Variants in NAA60 observed in about 807,000 individuals in gnomAD.
The protein encoded by NAA60 is N-alpha-acetyltransferase 60, NatF catalytic subunit, also known as N-alpha-acetyltransferase 60.
A neutral mutation model predicts 26.1 loss-of-function variants in NAA60; 8 were observed. That is an observed-to-expected ratio of 0.31 (90% CI 0.18 to 0.55). The LOEUF (loss-of-function observed/expected upper bound fraction) is 0.55, where lower values mean the gene tolerates loss of function less well. Among genes scored for constraint, NAA60 ranks in the 20% least tolerant of loss-of-function variants. The probability of loss-of-function intolerance (pLI) is 0.93; values close to 1 mark genes in which losing one functional copy is unlikely to be tolerated. For missense variants in NAA60, 290 were observed against 311.3 expected (o/e 0.93, Z 0.51); for synonymous variants, 131 against 122.5 (o/e 1.07, Z -0.46).
intron 6 of NAA60, chr16:3,483,847 C>T: frequency 1.9e-6 from 1 of 514,704 alleles, no homozygotes; most frequent in Non-Finnish European, 3.4e-6. Context: ...CCTGCCGCAG[C>T]CTCCCAAATT....
chr16:3,444,039 C>G, intron 1 of NAA60: 2 of 1,054,626 alleles, frequency 1.9e-6, no homozygotes, highest in Admixed American at 3.8e-5. Flanking sequence ...TTGCTGGACT[C>G]TGACTCAAAG....
intron 4 of NAA60, among the ~76,000 whole-genome samples, chr16:3,480,384 G>C (rs1047073215): frequency 3.3e-5 from 5 of 152,064 alleles, no homozygotes; most frequent in Non-Finnish European, 7.4e-5. Context: ...ATCATCTGAG[G>C]TCAGGAGTTC....
intron 2 of NAA60, among the ~76,000 whole-genome samples, chr16:3,453,442 G>A (rs1009805702): frequency 2.0e-5 from 3 of 151,740 alleles, no homozygotes; most frequent in South Asian, 2.1e-4. Flanking sequence ...ACAGAGTTTC[G>A]CTCTCGTCCA....
Position 3,476,252 on chromosome 16 carries a change from G to A in NAA60, c.25G>A (p.Ala9Thr), listed in dbSNP as rs575192444. 6.8e-6 allele frequency: 11 copies of A among 1,612,216 alleles called. No individual in the cohort carries two copies. Among genetic ancestry groups the A allele is most frequent in the African/African-American group, 4.0e-5 (3 of 74,918 alleles). ...AATGACAGAGGTGGTGCCATCCAGC[G>A]CGCTCAGCGAGGTCAGCCTGCGCCT... MTEVVPSS[A>T]LSEVSLRLLC... The change falls in exon 3 of 8, where the codon GCG becomes ACG. Residue 9 changes from alanine to threonine, a missense_variant. Transcript: ENST00000407558.
intron 2 of NAA60, among the ~76,000 whole-genome samples, chr16:3,475,448 C>T (rs2036419771): frequency 6.6e-6 from 1 of 152,090 alleles, no homozygotes; most frequent in South Asian, 2.1e-4. Flanking sequence ...TCTGTTTTCC[C>T]CTTCTCGGTG....
chr16:3,443,641 C>A (rs2034432186), upstream of NAA60: 3 of 1,116,366 alleles, frequency 2.7e-6, no homozygotes, highest in Middle Eastern at 2.9e-4. Context: ...TGGGCAGCTG[C>A]GAGAGGTAGT....
intron 2 of NAA60, among the ~76,000 whole-genome samples, chr16:3,465,039 G>A (rs570965331): frequency 2.6e-5 from 4 of 152,226 alleles, no homozygotes; most frequent in Admixed American, 6.5e-5. Context: ...AGTCTGAGGC[G>A]GGTGGATCAT....
At chr16:3,461,656 C>T (rs1393931665) in intron 2 of NAA60, among the ~76,000 whole-genome samples, 1 of 152,120 alleles carries the variant, frequency 6.6e-6, no homozygotes, top group African/African-American at 2.4e-5. Context: ...GCTTTGAAGC[C>T]AGAAATAAAC....
rs199845048 is a variant in NAA60, at chr16:3,473,707, TTTGTTGTTGTTG to T, written c.-6-2485_-6-2474del. Among the ~76,000 whole-genome samples the T allele has an allele frequency of 4.9e-4, 72 of 145,910 alleles. 1 individual carries two copies. The highest frequency in any genetic ancestry group is 9.5e-4 in the Admixed American group (14 of 14,744). ...GAGCCACCATGCTTGGCCCCAGCTT[TTTGTTGTTGTTG>T]TTGTTGTTGTTGTTGTTGTTGTTGT... On this transcript the variant is annotated intron_variant, in intron 2 of 7. Coordinates refer to ENST00000407558, the MANE Select transcript of NAA60 (RefSeq NM_001083601.3).
chr16:3,443,806 A>G lies in NAA60; in HGVS notation c.-108A>G, dbSNP rs1166594606. The G allele has an allele frequency of 6.5e-7, 1 of 1,534,974 alleles. No homozygotes were observed. Among genetic ancestry groups the G allele is most frequent in the Admixed American group, 2.0e-5 (1 of 50,950 alleles). On this transcript the variant is annotated 5_prime_UTR_variant, in exon 1 of 8. Transcript: ENST00000407558. ...AAGGACAGAAAGAAGACTGGGAGACACCGGAACTCGAAAGAAAATCGGTAA... is the reference window on the plus strand; with the variant it reads ...AAGGACAGAAAGAAGACTGGGAGACGCCGGAACTCGAAAGAAAATCGGTAA...
At chr16:3,476,187 G>C in intron 2 of NAA60, 35 bp from the exon 3 acceptor site, 2 of 1,514,672 alleles carry the variant, frequency 1.3e-6, no homozygotes, top group Non-Finnish European at 1.8e-6. Flanking sequence ...AGACCAGGCT[G>C]TGAGGTGACG....
At position 3,456,230 on chromosome 16, in the gene NAA60, G is replaced by T. The variant is rs141967175; in HGVS notation, c.-7+7690G>T. Among the ~76,000 whole-genome samples the T allele has an allele frequency of 7.0e-3, 1,059 of 152,294 alleles. 12 individuals are homozygous for T. The highest frequency in any genetic ancestry group is 0.024 in the African/African-American group (985 of 41,560). ...GGGGGTCTTGTTGAATGCAGATTCTGAATTAAGTGCCCATTCTGACTCAGT... is the reference window on the plus strand; with the variant it reads ...GGGGGTCTTGTTGAATGCAGATTCTTAATTAAGTGCCCATTCTGACTCAGT... On this transcript the variant is annotated intron_variant, in intron 2 of 7. Transcript: ENST00000407558.
intron 6 of NAA60, 133 bp from the exon 7 acceptor site, chr16:3,484,566 A>G: frequency 8.5e-7 from 1 of 1,180,298 alleles, no homozygotes; most frequent in Non-Finnish European, 1.2e-6. Flanking sequence ...GCAGAGGCTT[A>G]GCGGGCTCTC....
intron 2 of NAA60, among the ~76,000 whole-genome samples, chr16:3,450,472 A>G (rs1452696569): frequency 6.6e-6 from 1 of 152,064 alleles, no homozygotes; most frequent in Admixed American, 6.6e-5. Flanking sequence ...AGGCTGAGGC[A>G]GGCGGATCAC....
rs1217131415 is a variant in NAA60 at position 3,467,398 on chromosome 16, G to A, written c.-6-8824G>A. Among the ~76,000 whole-genome samples, 3 of 152,100 alleles carry A rather than the reference G, an allele frequency of 2.0e-5. No homozygotes were observed. In the East Asian group the frequency reaches 5.8e-4, roughly 29 times the overall value. On this transcript the variant is annotated intron_variant, in intron 2 of 7. Coordinates refer to ENST00000407558, the MANE Select transcript of NAA60 (RefSeq NM_001083601.3). ...TGAACACTGGGAGTCTGCTCCTGAG[G>A]TCATGGATGGAGGCCAGGACACCTC...
At chr16:3,474,358 G>A (rs926000879) in intron 2 of NAA60, among the ~76,000 whole-genome samples, 5 of 152,200 alleles carry the variant, frequency 3.3e-5, no homozygotes, top group African/African-American at 1.2e-4. Context: ...TGCCAGCACT[G>A]TCCTGACACT....
At chr16:3,450,046 A>G (rs569088932) in intron 2 of NAA60, 2 of 389,868 alleles carry the variant, frequency 5.1e-6, no homozygotes, top group African/African-American at 4.3e-5. Context: ...AAGAGAAAAG[A>G]AGAAGAAGGA....
In NAA60 at chr16:3,443,788, G is replaced by C. The variant is rs1483981926; in HGVS notation, c.-126G>C. Reference sequence around the variant, plus strand: ...CGTAATGTTTCCGAGAAGAAGGACAGAAAGAAGACTGGGAGACACCGGAAC... The same window carrying C: ...CGTAATGTTTCCGAGAAGAAGGACACAAAGAAGACTGGGAGACACCGGAAC... On this transcript the variant is annotated 5_prime_UTR_variant, in exon 1 of 8. Coordinates refer to ENST00000407558, the MANE Select transcript of NAA60 (RefSeq NM_001083601.3). 2.0e-6 allele frequency: 3 copies of C among 1,534,604 alleles called. No individual in the cohort carries two copies. Among genetic ancestry groups the C allele is most frequent in the Non-Finnish European group, 2.6e-6 (3 of 1,146,398 alleles).
chr16:3,445,520 C>T (rs1159023962), intron 1 of NAA60, among the ~76,000 whole-genome samples: 2 of 151,478 alleles, frequency 1.3e-5, no homozygotes, highest in African/African-American at 2.4e-5. Flanking sequence ...ACCTCATGAT[C>T]CACCTCGGCT....
Sources: gnomAD v4.1 joint callset for allele counts (sites outside exome capture counted in the v4.1 genomes callset) on GRCh38, gnomAD v4.1.1 for gene constraint, MANE v1.5 for transcripts, NCBI Gene and HGNC (gene_info 2026-07-23, HGNC 2026-07-21) for gene names.